BTNL8: variants seen among roughly 807,000 people sequenced by gnomAD.
BTNL8 encodes the protein butyrophilin-like protein 8.
Under a neutral mutation model 36.1 loss-of-function variants are expected in BTNL8, and 22 were observed. The observed-to-expected ratio is 0.61, with a 90% confidence interval of 0.44 to 0.87. BTNL8 has a LOEUF of 0.87. BTNL8 is among the 40% of genes least tolerant of loss of function. The pLI is 0.00. For missense variants in BTNL8, 526 were observed against 616.9 expected (o/e 0.85, Z 1.56); for synonymous variants, 203 against 235.6 (o/e 0.86, Z 1.27).
intron 7 of BTNL8, chr5:180,949,607 A>G: frequency 1.9e-6 from 1 of 526,610 alleles, no homozygotes; most frequent in Non-Finnish European, 3.4e-6. Flanking sequence ...GAAGTTAGAT[A>G]GTGGGGTCCC....
At position 180,899,667 on chromosome 5, in the gene BTNL8, G is replaced by C. The variant is rs1249018751; in HGVS notation, c.49+308G>C. On this transcript the variant is annotated intron_variant, in intron 1 of 7. Transcript: ENST00000340184. ...GCAGGGTTATTGGAGCACCAAGGTT[G>C]CTGACATGGATGTCCATCTGGGAAG... 9.2e-5 allele frequency among the ~76,000 whole-genome samples: 14 copies of C among 152,312 alleles called. No homozygotes were observed. In the South Asian group the frequency reaches 2.3e-3, roughly 25 times the overall value.
At position 180,950,593 on chromosome 5, in the gene BTNL8, C is replaced by T. The variant is rs543462305; in HGVS notation, c.*49C>T. 1.5e-5 allele frequency: 21 copies of T among 1,439,148 alleles called. 2 individuals are homozygous for T. In the South Asian group the frequency reaches 2.2e-4, roughly 15 times the overall value. 89.1% of individuals were successfully genotyped at this position (1,439,148 alleles called of 1,614,324 possible). On this transcript the variant is annotated 3_prime_UTR_variant, in exon 8 of 8. Transcript: ENST00000340184. ...CTTTAGGGATATTAAGGTCTCTCTC[C>T]CAGATCCAAAGTCCCGCAGCAGCCG...
chr5:180,949,528 C>T, intron 7 of BTNL8: 1 of 578,734 alleles, frequency 1.7e-6, no homozygotes, highest in Non-Finnish European at 2.9e-6. Context: ...ATTGAGGGCA[C>T]TAGTGACTGG....
At chr5:180,908,252 C>T (rs967079498) in intron 1 of BTNL8, among the ~76,000 whole-genome samples, 14 of 152,110 alleles carry the variant, frequency 9.2e-5, no homozygotes, top group African/African-American at 3.1e-4. Flanking sequence ...GCGCAATATT[C>T]GGGTGGGAGT....
At chr5:180,902,404 G>T (rs1157142024) in intron 1 of BTNL8, 2 of 1,550,304 alleles carry the variant, frequency 1.3e-6, no homozygotes, top group Non-Finnish European at 1.7e-6. Flanking sequence ...AATGTAAGGA[G>T]ATACACAAAT....
Position 180,950,609 on chromosome 5 carries a change from G to T in BTNL8, c.*65G>T. ...GTCTCTCTCCCAGATCCAAAGTCCC[G>T]CAGCAGCCGGCCAAGGTGGCTTCCA... On this transcript the variant is annotated 3_prime_UTR_variant, in exon 8 of 8. Transcript: ENST00000340184. 1 of 1,401,018 alleles carries T rather than the reference G, an allele frequency of 7.1e-7. No individual in the cohort carries two copies. The highest frequency in any genetic ancestry group is 2.0e-5 in the Admixed American group (1 of 49,042). 86.8% of individuals were successfully genotyped at this position (1,401,018 alleles called of 1,614,324 possible).
At chr5:180,939,406 T>A (rs147345292) in intron 3 of BTNL8, among the ~76,000 whole-genome samples, 161 of 152,050 alleles carry the variant, frequency 1.1e-3, no homozygotes, top group African/African-American at 3.5e-3. Context: ...AGAATAGCTA[T>A]ACTTATATTA....
chr5:180,925,525 T>C (rs1159694257), intron 3 of BTNL8, among the ~76,000 whole-genome samples: 5 of 152,284 alleles, frequency 3.3e-5, no homozygotes, highest in Non-Finnish European at 2.9e-5. Flanking sequence ...AAGGAAAAGA[T>C]TGCCAATCAA....
At chr5:180,931,171 C>A (rs1171066355) in intron 3 of BTNL8, among the ~76,000 whole-genome samples, 2 of 152,208 alleles carry the variant, frequency 1.3e-5, no homozygotes, top group Non-Finnish European at 2.9e-5. Flanking sequence ...CTACAACCAT[C>A]TGATTTTTGA....
chr5:180,937,609 GA>G (rs1758720257), intron 3 of BTNL8, among the ~76,000 whole-genome samples: 1 of 151,974 alleles, frequency 6.6e-6, no homozygotes, highest in Non-Finnish European at 1.5e-5. Flanking sequence ...AAAAACAGAA[GA>G]AAACATCAAC....
chr5:180,920,549 C>A (rs1350849898), intron 3 of BTNL8, among the ~76,000 whole-genome samples: 1 of 151,862 alleles, frequency 6.6e-6, no homozygotes, highest in African/African-American at 2.4e-5. Flanking sequence ...GATTTTTCAC[C>A]CTGACACCAA....
chr5:180,933,135 A>G (rs1758484213), intron 3 of BTNL8, among the ~76,000 whole-genome samples: 1 of 152,228 alleles, frequency 6.6e-6, no homozygotes. Flanking sequence ...ATATAACAAT[A>G]TAAATATATA....
At chr5:180,940,379 A>G (rs981657657) in intron 3 of BTNL8, among the ~76,000 whole-genome samples, 4 of 151,848 alleles carry the variant, frequency 2.6e-5, no homozygotes, top group African/African-American at 9.7e-5. Context: ...ATACCAAAAC[A>G]TATGGGATAT....
Position 180,950,652 on chromosome 5 carries a change from C to A in BTNL8, c.*108C>A. Reference sequence around the variant, plus strand: ...GGCTTCCAGATGAAGGGGGACTGGCCTGTCCACATGGGAGTCAGGTGTCAT... The same window carrying A: ...GGCTTCCAGATGAAGGGGGACTGGCATGTCCACATGGGAGTCAGGTGTCAT... On this transcript the variant is annotated 3_prime_UTR_variant, in exon 8 of 8. Transcript: ENST00000340184. The A allele has an allele frequency of 8.6e-7, 1 of 1,157,760 alleles. No homozygotes were observed. The highest frequency in any genetic ancestry group is 1.2e-6 in the Non-Finnish European group (1 of 825,864). The allele number at this position is 1,157,760 out of a possible 1,614,324, so 71.7% of individuals were successfully genotyped here.
At chr5:180,941,918 C>G (rs1220767402) in intron 3 of BTNL8, among the ~76,000 whole-genome samples, 1 of 51,518 alleles carries the variant, frequency 1.9e-5, no homozygotes, top group African/African-American at 1.5e-4. Flanking sequence ...TACTCTTATT[C>G]AACAAAGTAC....
At chr5:180,918,829 A>G (rs562403694) in intron 3 of BTNL8, among the ~76,000 whole-genome samples, 2 of 152,370 alleles carry the variant, frequency 1.3e-5, no homozygotes, top group East Asian at 3.9e-4. Flanking sequence ...TGAGTTATCT[A>G]AAAGACCTGG....
At position 180,947,631 on chromosome 5, in the gene BTNL8, C is replaced by T. The variant is rs200633883; in HGVS notation, c.787+6C>T. 347 of 1,613,966 alleles carry T rather than the reference C, an allele frequency of 2.1e-4. No individual in the cohort carries two copies. Among genetic ancestry groups the T allele is most frequent in the Non-Finnish European group, 2.7e-4 (318 of 1,180,016 alleles). On this transcript the variant is annotated splice_donor_region_variant and intron_variant, in intron 4 of 7. Transcript: ENST00000340184. ...TTTCTTCTCCAAATTCCAGTGTAAG[C>T]GAGAGAGAGAAGCATGGGCCGGTGC...
chr5:180,924,140 A>G (rs1355726815), intron 3 of BTNL8, among the ~76,000 whole-genome samples: 2 of 152,170 alleles, frequency 1.3e-5, no homozygotes, highest in African/African-American at 4.8e-5. Flanking sequence ...GCAGCGACTC[A>G]GCCAGCCTTG....
chr5:180,945,698 G>A (rs1759200329), intron 3 of BTNL8: 1 of 354,898 alleles, frequency 2.8e-6, no homozygotes, highest in South Asian at 2.1e-5. Flanking sequence ...GGACAACAGG[G>A]AGAGTGTAGG....
Sources: gnomAD v4.1 joint callset for allele counts (sites outside exome capture counted in the v4.1 genomes callset) on GRCh38, gnomAD v4.1.1 for gene constraint, MANE v1.5 for transcripts, NCBI Gene and HGNC (gene_info 2026-07-23, HGNC 2026-07-21) for gene names.